The following APBA2 variants were observed in gnomAD, a reference collection of about 807,000 sequenced individuals.
APBA2 encodes amyloid-beta A4 precursor protein-binding family A member 2.
In APBA2, 30 loss-of-function variants were observed where a neutral mutation model predicts 75.0. The observed-to-expected ratio is 0.40, with a 90% CI of 0.30 to 0.54. The LOEUF is 0.54. Ranked by LOEUF, APBA2 falls within the 20% of genes least tolerant of loss-of-function variation. The probability of loss-of-function intolerance (pLI) is 0.49; values close to 1 mark genes in which losing one functional copy is unlikely to be tolerated. For synonymous variants in APBA2, 444 were observed against 409.6 expected (o/e 1.08, Z -1.01); for missense variants, 801 against 1,016.1 (o/e 0.79, Z 2.88).
intron 2 of APBA2, among the ~76,000 whole-genome samples, chr15:28,954,480 A>G (rs1324591585): frequency 6.6e-6 from 1 of 152,178 alleles, no homozygotes; most frequent in Non-Finnish European, 1.5e-5. Flanking sequence ...TCCCTTCTGC[A>G]GGTGGCTTCT....
rs1382026943 is a variant in APBA2, at chr15:29,094,446, G to T, written c.1251+133G>T. On this transcript the variant is annotated intron_variant, in intron 8 of 14. Transcript: ENST00000683413. ...CAAAGCAGCTTTTCCTCTTCCCTTG[G>T]TAGGTGAATCTTAGATGTTTGTAAA... The T allele has an allele frequency of 5.9e-6, 5 of 847,034 alleles. No individual in the cohort carries two copies. The East Asian group carries it at 1.2e-4, about 21-fold the overall frequency. The allele number at this position is 847,034 out of a possible 1,614,324, so 52.5% of individuals were successfully genotyped here.
intron 12 of APBA2, 65 bp from the exon 13 acceptor site, chr15:29,108,205 G>A (rs574980579): frequency 4.1e-5 from 66 of 1,609,040 alleles, no homozygotes; most frequent in African/African-American, 2.1e-4. Flanking sequence ...TGCCAGCCTC[G>A]CTCATCCTGG....
chr15:28,928,165 ATGT>A (rs931125775), intron 2 of APBA2, among the ~76,000 whole-genome samples: 27 of 149,086 alleles, frequency 1.8e-4, no homozygotes, highest in African/African-American at 6.2e-4. Flanking sequence ...AAAAAGAAAC[ATGT>A]TGTCCTTTTT....
chr15:28,915,149 A>ATATACCACACACCACAAACATAG (rs1555371990), intron 1 of APBA2, among the ~76,000 whole-genome samples: 1 of 4,410 alleles, frequency 2.3e-4, no homozygotes, highest in Non-Finnish European at 3.9e-4. Context: ...CCACACACAT[A>ATATACCACACACCACAAACATAG]CCCATACACA....
chr15:29,070,919 G>A lies in APBA2; in HGVS notation c.952-4002G>A, dbSNP rs747160769. The A allele has an allele frequency of 8.3e-4, 301 of 361,238 alleles. 1 individual carries two copies. The Middle Eastern group carries it at 8.9e-3, about 11-fold the overall frequency. The allele number at this position is 361,238 out of a possible 1,614,324, so 22.4% of individuals were successfully genotyped here. ...TGTCATCTAACGGAGTCATTCGTCCGCCCAGGACTTCTCTGTCACAGGGTT... is the reference window on the plus strand; with the variant it reads ...TGTCATCTAACGGAGTCATTCGTCCACCCAGGACTTCTCTGTCACAGGGTT... On this transcript the variant is annotated intron_variant, in intron 4 of 14. Transcript: ENST00000683413.
At chr15:29,010,553 C>A (rs546944418) in intron 3 of APBA2, among the ~76,000 whole-genome samples, 1 of 152,178 alleles carries the variant, frequency 6.6e-6, no homozygotes, top group East Asian at 1.9e-4. Context: ...CCACCACACC[C>A]GGCCGGGAGT....
intron 3 of APBA2, among the ~76,000 whole-genome samples, chr15:29,007,702 T>C (rs1307175890): frequency 6.6e-6 from 1 of 152,086 alleles, no homozygotes; most frequent in African/African-American, 2.4e-5. Flanking sequence ...AGGCCGGCTA[T>C]TACAAAACAA....
chr15:29,088,581 C>G (rs16955055), intron 6 of APBA2, among the ~76,000 whole-genome samples: 8,669 of 152,254 alleles, frequency 0.057, 618 homozygotes, highest in African/African-American at 0.16. Flanking sequence ...CTGTTGCTGT[C>G]TCTCCATTTC....
At chr15:28,912,577 GTT>G (rs1352275479) in intron 1 of APBA2, among the ~76,000 whole-genome samples, 1 of 152,224 alleles carries the variant, frequency 6.6e-6, no homozygotes, top group Non-Finnish European at 1.5e-5. Flanking sequence ...TGGCTGCCTG[GTT>G]GTTACAGGAT....
chr15:29,094,463 GT>G lies in APBA2; in HGVS notation c.1251+153del. 4 of 763,190 alleles carry G rather than the reference GT, an allele frequency of 5.2e-6. No homozygotes were observed. The South Asian group carries it at 6.0e-5, about 12-fold the overall frequency. The allele number at this position is 763,190 out of a possible 1,614,324, so 47.3% of individuals were successfully genotyped here. The stretch of plus-strand genomic sequence containing the variant: ...TTCCCTTGGTAGGTGAATCTTAGAT[GT>G]TTGTAAATGAAACTACAGACACTTC... On this transcript the variant is annotated intron_variant, in intron 8 of 14. Coordinates refer to ENST00000683413, the MANE Select transcript of APBA2 (RefSeq NM_001353788.2).
chr15:29,108,431 G>A, intron 13 of APBA2, 42 bp downstream of exon 13: 1 of 1,613,476 alleles, frequency 6.2e-7, no homozygotes, highest in Non-Finnish European at 8.5e-7. Flanking sequence ...CACCACTGCA[G>A]GGCCCAGGGA....
intron 1 of APBA2, among the ~76,000 whole-genome samples, chr15:28,896,752 A>G (rs898286797): frequency 6.6e-6 from 1 of 152,210 alleles, no homozygotes; most frequent in Non-Finnish European, 1.5e-5. Context: ...AAAAAGTCCC[A>G]TAAAACCCAC....
At chr15:28,938,657 C>T (rs11070769) in intron 2 of APBA2, among the ~76,000 whole-genome samples, 17,505 of 151,850 alleles carry the variant, frequency 0.12, 2,006 homozygotes, top group East Asian at 0.33. Context: ...ACAAGAGGTA[C>T]GCCACCTCGC....
chr15:28,972,479 A>C (rs563305000), intron 2 of APBA2, among the ~76,000 whole-genome samples: 1 of 152,234 alleles, frequency 6.6e-6, no homozygotes, highest in Non-Finnish European at 1.5e-5. Flanking sequence ...TACAAAGGAA[A>C]TTTACAGAGT....
chr15:28,893,798 TC>T (rs1163806929), intron 1 of APBA2: 1 of 152,228 alleles, frequency 6.6e-6, no homozygotes, highest in African/African-American at 2.4e-5. Context: ...ATTATGTCTC[TC>T]CCTTGGGCTT....
At chr15:28,989,664 C>T (rs2038116020) in intron 2 of APBA2, among the ~76,000 whole-genome samples, 2 of 152,194 alleles carry the variant, frequency 1.3e-5, no homozygotes, top group African/African-American at 2.4e-5. Flanking sequence ...GCATCAGGCT[C>T]CTCACAGCAA....
rs771977171 is a variant in APBA2, at chr15:29,106,856, C to G, written c.1917+37C>G. The G allele has an allele frequency of 2.5e-6, 4 of 1,581,476 alleles. No individual in the cohort carries two copies. The South Asian group carries it at 4.4e-5, about 18-fold the overall frequency. On this transcript the variant is annotated intron_variant, in intron 12 of 14. Transcript: ENST00000683413. ...GGGATCCTCCGCCCAGGGGTCACCT[C>G]AACCCTGCCTCACTTCATCCCCACT...
intron 2 of APBA2, among the ~76,000 whole-genome samples, chr15:28,925,325 G>A (rs2152678848): frequency 6.6e-6 from 1 of 152,338 alleles, no homozygotes; most frequent in African/African-American, 2.4e-5. Context: ...CTGAGAGGCA[G>A]TGGTATGTCA....
intron 1 of APBA2, among the ~76,000 whole-genome samples, chr15:28,888,286 C>T (rs2031889658): frequency 6.6e-6 from 1 of 152,232 alleles, no homozygotes; most frequent in Non-Finnish European, 1.5e-5. Context: ...ACTGATCACA[C>T]CCCTGGAAGC....
Sources: allele counts gnomAD v4.1 joint callset (sites outside exome capture counted in the v4.1 genomes callset), GRCh38; gene constraint gnomAD v4.1.1; transcripts MANE v1.5; gene names NCBI Gene and HGNC (gene_info 2026-07-23, HGNC 2026-07-21).